AGTPBP1: variants seen among roughly 807,000 people sequenced by gnomAD.
AGTPBP1 encodes the protein cytosolic carboxypeptidase 1.
AGTPBP1 carries 70 observed loss-of-function variants against 143.9 expected under a neutral mutation model. The observed-to-expected ratio is 0.49, with a 90% CI of 0.40 to 0.59. AGTPBP1 has a LOEUF of 0.59. Ranked by LOEUF, AGTPBP1 falls within the 20% of genes least tolerant of loss-of-function variation. AGTPBP1 has a pLI of 0.00. For synonymous variants in AGTPBP1, 463 were observed against 500.2 expected, an observed-to-expected ratio of 0.93 and a Z score of 0.99; for missense variants, 1,229 against 1,464.5, an observed-to-expected ratio of 0.84 and a Z score of 2.62.
intron 1 of AGTPBP1, among the ~76,000 whole-genome samples, chr9:85,723,413 C>T (rs1838261795): frequency 6.6e-6 from 1 of 152,188 alleles, no homozygotes; most frequent in Admixed American, 6.5e-5. Context: ...GGACGCCCCT[C>T]CCCCACCAAG....
intron 2 of AGTPBP1, among the ~76,000 whole-genome samples, chr9:85,700,038 C>A (rs1428745495): frequency 6.6e-6 from 1 of 152,214 alleles, no homozygotes; most frequent in Non-Finnish European, 1.5e-5. Context: ...CTCATACCTA[C>A]TTCTGTATTC....
In AGTPBP1 at chr9:85,588,382, T is replaced by C. The variant is rs772422867; in HGVS notation, c.2819A>G (p.Asn940Ser). The C allele has an allele frequency of 1.1e-5, 18 of 1,613,442 alleles. No individual in the cohort carries two copies. The highest frequency in any genetic ancestry group is 1.5e-5 in the Non-Finnish European group (18 of 1,179,644). The change falls in exon 21 of 26, where the codon AAT becomes AGT. Residue 940 changes from asparagine to serine, a missense_variant. Transcript: ENST00000357081. ...TCGTAAGCTCTGAGCAGTGGGGTTATTGCTCATGAGATATTCCAACGTTCC... is the reference window on the plus strand; with the variant it reads ...TCGTAAGCTCTGAGCAGTGGGGTTACTGCTCATGAGATATTCCAACGTTCC... ...MKGTLEYLMS[N>S]NPTAQSLRES... is the part of the protein sequence containing the mutation.
intron 24 of AGTPBP1, 93 bp from the exon 25 acceptor site, chr9:85,575,568 T>C (rs911362216): frequency 4.9e-5 from 51 of 1,049,776 alleles, no homozygotes; most frequent in Non-Finnish European, 6.6e-5. Context: ...TTTATAACTA[T>C]ATTAATAAAA....
At chr9:85,686,908 T>G (rs1835519136) in intron 3 of AGTPBP1, among the ~76,000 whole-genome samples, 1 of 152,126 alleles carries the variant, frequency 6.6e-6, no homozygotes, top group African/African-American at 2.4e-5. Flanking sequence ...TCCAATCATA[T>G]TAATAAATGC....
chr9:85,578,819 TA>T, intron 24 of AGTPBP1, 100 bp downstream of exon 24: 1 of 1,211,116 alleles, frequency 8.3e-7, no homozygotes, highest in Non-Finnish European at 1.2e-6. Flanking sequence ...TGTAACTCAA[TA>T]AAACAAACAT....
intron 17 of AGTPBP1, among the ~76,000 whole-genome samples, chr9:85,602,410 AC>A (rs1829730792): frequency 6.6e-6 from 1 of 152,206 alleles, no homozygotes; most frequent in Non-Finnish European, 1.5e-5. Context: ...GAATTTCAGA[AC>A]TTAAAGACAG....
At chr9:85,642,353 G>A (rs780337538) in intron 13 of AGTPBP1, among the ~76,000 whole-genome samples, 1 of 149,580 alleles carries the variant, frequency 6.7e-6, no homozygotes, top group Non-Finnish European at 1.5e-5. Context: ...TTTTTGAGAC[G>A]GAGTCTTGCT....
At chr9:85,741,299 A>G in intron 1 of AGTPBP1, 1 of 985,428 alleles carries the variant, frequency 1.0e-6, no homozygotes, top group South Asian at 4.7e-5. Flanking sequence ...CGGGAACGCT[A>G]GAATTCTCGA....
At chr9:85,592,179 A>T (rs184902966) in intron 19 of AGTPBP1, among the ~76,000 whole-genome samples, 1 of 152,194 alleles carries the variant, frequency 6.6e-6, no homozygotes, top group East Asian at 1.9e-4. Flanking sequence ...CCTGGTTAAA[A>T]ATTGTAAATC....
At chr9:85,743,332 CAT>C (rs1384609415), upstream of AGTPBP1, among the ~76,000 whole-genome samples, 1 of 152,192 alleles carries the variant, frequency 6.6e-6, no homozygotes, top group Non-Finnish European at 1.5e-5. Flanking sequence ...GCACTGTTAG[CAT>C]AGTTTGATGA....
chr9:85,560,206 G>A (rs62566878), intron 25 of AGTPBP1, among the ~76,000 whole-genome samples: 2,468 of 152,232 alleles, frequency 0.016, 30 homozygotes, highest in Middle Eastern at 0.054. Context: ...CCTATGGAAG[G>A]AAGGGAAATC....
chr9:85,575,172 G>T, intron 25 of AGTPBP1, 143 bp downstream of exon 25: 1 of 516,124 alleles, frequency 1.9e-6, no homozygotes, highest in Non-Finnish European at 3.2e-6. Context: ...ATATAAATTG[G>T]AACAAATATT....
chr9:85,654,753 G>A lies in AGTPBP1; in HGVS notation c.1087+390C>T, dbSNP rs910965782. 2.6e-5 allele frequency among the ~76,000 whole-genome samples: 4 copies of A among 151,832 alleles called. 1 individual carries two copies. In the South Asian group the frequency reaches 8.3e-4, roughly 31 times the overall value. ...GGCTACTCAGGAGGCTGAGGCAGGA[G>A]AATTGCTTGAACACGGGAGGCAGAG... On this transcript the variant is annotated intron_variant, in intron 11 of 25. Coordinates refer to ENST00000357081, the MANE Select transcript of AGTPBP1 (RefSeq NM_001330701.2).
chr9:85,710,466 C>T (rs1368306666), intron 2 of AGTPBP1, among the ~76,000 whole-genome samples: 23 of 151,990 alleles, frequency 1.5e-4, no homozygotes, highest in Non-Finnish European at 4.4e-5. Flanking sequence ...TTTCTCCCCC[C>T]TTTTCAGACC....
chr9:85,640,890 G>A (rs534170708), intron 13 of AGTPBP1, among the ~76,000 whole-genome samples: 42 of 152,268 alleles, frequency 2.8e-4, no homozygotes, highest in Middle Eastern at 3.4e-3. Flanking sequence ...CTAAGGTTTT[G>A]ATTTCCATGG....
chr9:85,648,385 A>C (rs940381355), intron 11 of AGTPBP1, among the ~76,000 whole-genome samples: 16 of 152,234 alleles, frequency 1.1e-4, no homozygotes, highest in African/African-American at 3.9e-4. Context: ...GATAGCAAAA[A>C]ATAAATATTC....
At chr9:85,550,128 G>T (rs984604604) in intron 25 of AGTPBP1, among the ~76,000 whole-genome samples, 2 of 152,068 alleles carry the variant, frequency 1.3e-5, no homozygotes, top group African/African-American at 4.8e-5. Flanking sequence ...GTGCAAAGAG[G>T]AGTAAGTTAG....
chr9:85,625,332 A>G (rs1831202878), intron 14 of AGTPBP1, among the ~76,000 whole-genome samples: 1 of 152,192 alleles, frequency 6.6e-6, no homozygotes, highest in Admixed American at 6.5e-5. Flanking sequence ...TTTTTCCATA[A>G]CCTCATCAAT....
intron 25 of AGTPBP1, among the ~76,000 whole-genome samples, chr9:85,564,240 A>G (rs1826934151): frequency 1.3e-5 from 2 of 152,272 alleles, no homozygotes; most frequent in South Asian, 4.1e-4. Context: ...GGGCCTGAAG[A>G]GCAGAGAATG....
Sources: gnomAD v4.1 joint callset for allele counts (sites outside exome capture counted in the v4.1 genomes callset) on GRCh38, gnomAD v4.1.1 for gene constraint, MANE v1.5 for transcripts, NCBI Gene and HGNC (gene_info 2026-07-23, HGNC 2026-07-21) for gene names.